TMEM74: variants seen among roughly 807,000 people sequenced by gnomAD.
TMEM74 encodes the protein transmembrane protein 74.
Under a neutral mutation model 18.1 loss-of-function variants are expected in TMEM74, and 13 were observed. The observed-to-expected ratio is 0.72, with a 90% CI of 0.47 to 1.14. TMEM74 has a LOEUF of 1.14. Among genes scored for constraint, TMEM74 ranks in the 50% most tolerant of loss-of-function variants. The pLI is 0.00. For synonymous variants in TMEM74, 159 were observed against 146.6 expected, an observed-to-expected ratio of 1.08 and a Z score of -0.61; for missense variants, 372 against 375.9, an observed-to-expected ratio of 0.99 and a Z score of 0.09.
intron 2 of TMEM74, among the ~76,000 whole-genome samples, chr8:108,646,625 A>T (rs1812722966): frequency 6.6e-6 from 1 of 152,272 alleles, no homozygotes; most frequent in Admixed American, 6.5e-5. Flanking sequence ...TTGTTGTTAA[A>T]CTGTGATCTG....
chr8:108,617,886 A>T (rs1478164665), intron 2 of TMEM74, among the ~76,000 whole-genome samples: 1 of 152,168 alleles, frequency 6.6e-6, no homozygotes, highest in Non-Finnish European at 1.5e-5. Context: ...AGTTTTCCTG[A>T]GACCTTTCTT....
At chr8:108,692,354 C>G (rs1813239995) in intron 1 of TMEM74, among the ~76,000 whole-genome samples, 1 of 152,188 alleles carries the variant, frequency 6.6e-6, no homozygotes, top group Non-Finnish European at 1.5e-5. Context: ...ACAATTTTCT[C>G]CTTCTTGAAA....
At chr8:108,617,482 T>TA (rs959155559) in intron 2 of TMEM74, among the ~76,000 whole-genome samples, 1 of 152,110 alleles carries the variant, frequency 6.6e-6, no homozygotes, top group Non-Finnish European at 1.5e-5. Flanking sequence ...CCACACTGTC[T>TA]AAAGGGGACC....
At chr8:108,679,557 T>C (rs1376977319) in intron 1 of TMEM74, among the ~76,000 whole-genome samples, 1 of 152,202 alleles carries the variant, frequency 6.6e-6, no homozygotes, top group Admixed American at 6.5e-5. Flanking sequence ...TTTTGAGAAG[T>C]GTCTGTTCAT....
At chr8:108,680,554 A>C (rs1345697989) in intron 1 of TMEM74, among the ~76,000 whole-genome samples, 3 of 152,216 alleles carry the variant, frequency 2.0e-5, no homozygotes, top group Non-Finnish European at 4.4e-5. Context: ...ACCCACAGCC[A>C]ATATCATACT....
chr8:108,699,846 G>C (rs1182129754), intron 1 of TMEM74, among the ~76,000 whole-genome samples: 3 of 152,120 alleles, frequency 2.0e-5, no homozygotes, highest in Non-Finnish European at 4.4e-5. Context: ...TCTCTATATA[G>C]CTTATTAATT....
chr8:108,676,731 A>AT (rs1484005582), intron 1 of TMEM74, among the ~76,000 whole-genome samples: 5 of 152,084 alleles, frequency 3.3e-5, no homozygotes. Flanking sequence ...TTTTGTCTAC[A>AT]TTTTTTCATT....
rs1179257673 is a variant in TMEM74, at chr8:108,754,669, AGC to A, written n.119+32805_119+32806del. Among the ~76,000 whole-genome samples, 74 of 151,758 alleles carry A rather than the reference AGC, an allele frequency of 4.9e-4. 2 individuals are homozygous for A. Among genetic ancestry groups the A allele is most frequent in the Admixed American group, 4.6e-3 (70 of 15,182 alleles). On this transcript the variant is annotated intron_variant and non_coding_transcript_variant, in intron 1 of 3. Coordinates refer to the TMEM74 transcript ENST00000518838. ...TAGGTAGGTAGGTAGGTAGCTAGGTAGCTAGGTAGCTAGGTAGCTAGGTAGGT... is the reference window on the plus strand; with the variant it reads ...TAGGTAGGTAGGTAGGTAGCTAGGTATAGGTAGCTAGGTAGCTAGGTAGGT...
intron 2 of TMEM74, among the ~76,000 whole-genome samples, chr8:108,625,445 C>T (rs966009337): frequency 6.6e-6 from 1 of 151,930 alleles, no homozygotes; most frequent in Non-Finnish European, 1.5e-5. Flanking sequence ...AAAGTGTTTG[C>T]GTCTATTGCT....
At chr8:108,627,913 G>T (rs1812510443) in intron 2 of TMEM74, among the ~76,000 whole-genome samples, 1 of 151,876 alleles carries the variant, frequency 6.6e-6, no homozygotes. Context: ...ACATTAGCTG[G>T]GTATGGTGGT....
intron 1 of TMEM74, among the ~76,000 whole-genome samples, chr8:108,679,355 G>C (rs1228540154): frequency 1.3e-5 from 2 of 152,146 alleles, no homozygotes; most frequent in Non-Finnish European, 2.9e-5. Flanking sequence ...CTAGTTTACA[G>C]TCCCACCAAC....
At chr8:108,633,528 CATT>C (rs1812576215) in intron 2 of TMEM74, among the ~76,000 whole-genome samples, 2 of 152,108 alleles carry the variant, frequency 1.3e-5, no homozygotes, top group Admixed American at 1.3e-4. Context: ...ATGAATATAA[CATT>C]ATCCTTTTTC....
chr8:108,784,756 C>T lies in TMEM74; in HGVS notation c.343G>A (p.Asp115Asn), dbSNP rs1323511981. 1 of 1,614,034 alleles carries T rather than the reference C, an allele frequency of 6.2e-7. No homozygotes were observed. The highest frequency in any genetic ancestry group is 8.5e-7 in the Non-Finnish European group (1 of 1,180,026). The change falls in exon 2 of 2, where the codon GAC becomes AAC. Residue 115 changes from aspartate (D) to asparagine (N), a missense_variant. Transcript: ENST00000297459. ...CGCTGCTCCAAGTTGATGTTTTTGT[C>T]CACATAGGTAAAAGAAGTTTCTAAT... ...QELETSFTYVDKNINLEQRNR... is the reference protein window; with the variant it reads ...QELETSFTYVNKNINLEQRNR...
chr8:108,785,326 T>C (rs2129673591), intron 1 of TMEM74, among the ~76,000 whole-genome samples, 189 bp from the exon 2 acceptor site: 1 of 152,282 alleles, frequency 6.6e-6, no homozygotes, highest in South Asian at 2.1e-4. Flanking sequence ...ATGCTCTCAC[T>C]TGTCATAGTG....
rs34327038 is a variant in TMEM74, at chr8:108,702,927, TA to T, written n.120-47491del. Reference sequence around the variant, plus strand: ...AACAGTGAGTGGGTAGGAATTTTGTTAAAAAAAAAAAAAGAAGCAGAAGAAT... The same window carrying T: ...AACAGTGAGTGGGTAGGAATTTTGTTAAAAAAAAAAAAGAAGCAGAAGAAT... On this transcript the variant is annotated intron_variant and non_coding_transcript_variant, in intron 1 of 3. Coordinates refer to the TMEM74 transcript ENST00000518838. Among the ~76,000 whole-genome samples the T allele has an allele frequency of 2.6e-3, 362 of 141,394 alleles. 1 individual carries two copies. Among genetic ancestry groups the T allele is most frequent in the Middle Eastern group, 0.011 (3 of 276 alleles). The allele number at this position is 141,394 out of a possible 152,430, so 92.8% of individuals were successfully genotyped here. A position where few individuals can be genotyped will look rare whatever the true frequency, so the allele number is the denominator to read the frequency against.
rs1221614138 is a variant in TMEM74, at chr8:108,787,548, CA to C, written c.-113del. On this transcript the variant is annotated 5_prime_UTR_variant, in exon 1 of 2. In the 5' UTR this introduces an upstream ATG that the reference lacks. Transcript: ENST00000297459. ...GGCACGGTTCCCGGAGAAAGTCCCC[CA>C]ATCACCAGCTACGGCACTTGTAGCC... 1 of 152,270 alleles carries C rather than the reference CA, an allele frequency of 6.6e-6. No homozygotes were observed. The highest frequency in any genetic ancestry group is 2.4e-5 in the African/African-American group (1 of 41,462). 9.4% of individuals were successfully genotyped at this position (152,270 alleles called of 1,614,324 possible). A position where few individuals can be genotyped will look rare whatever the true frequency, so the allele number is the denominator to read the frequency against.
intron 2 of TMEM74, among the ~76,000 whole-genome samples, chr8:108,634,772 A>T (rs769127567): frequency 6.6e-6 from 1 of 152,054 alleles, no homozygotes; most frequent in Non-Finnish European, 1.5e-5. Context: ...TTCAGGCCCC[A>T]GAATCTGGGT....
chr8:108,702,120 G>A (rs1009742971), intron 1 of TMEM74, among the ~76,000 whole-genome samples: 7 of 151,838 alleles, frequency 4.6e-5, no homozygotes, highest in Non-Finnish European at 8.8e-5. Context: ...TGAGGTGGGC[G>A]GATCATGAGG....
At chr8:108,732,388 T>A (rs1173861494) in intron 1 of TMEM74, among the ~76,000 whole-genome samples, 1 of 152,154 alleles carries the variant, frequency 6.6e-6, no homozygotes, top group Non-Finnish European at 1.5e-5. Flanking sequence ...CCATGTGAGC[T>A]TTTTAAGACT....
Sources: allele counts gnomAD v4.1 joint callset (sites outside exome capture counted in the v4.1 genomes callset), GRCh38; gene constraint gnomAD v4.1.1; transcripts MANE v1.5; gene names NCBI Gene and HGNC (gene_info 2026-07-23, HGNC 2026-07-21).